DNAJC5B: variants seen among roughly 807,000 people sequenced by gnomAD.
DNAJC5B encodes the protein DnaJ heat shock protein family (Hsp40) member C5 beta.
Under a neutral mutation model 24.7 loss-of-function variants are expected in DNAJC5B, and 23 were observed. The observed-to-expected ratio is 0.93, with a 90% CI of 0.67 to 1.32. DNAJC5B has a LOEUF of 1.32. Ranked by LOEUF, DNAJC5B falls within the 40% of genes most tolerant of loss-of-function variation. The probability of loss-of-function intolerance (pLI) is 0.00; values close to 1 mark genes in which losing one functional copy is unlikely to be tolerated. For synonymous variants in DNAJC5B, 101 were observed against 90.1 expected (o/e 1.12, Z -0.68); for missense variants, 238 against 240.8 (o/e 0.99, Z 0.08).
intron 5 of DNAJC5B, among the ~76,000 whole-genome samples, chr8:66,096,416 T>C (rs1807954754): frequency 6.6e-6 from 1 of 152,212 alleles, no homozygotes; most frequent in South Asian, 2.1e-4. Context: ...TTTCAAATTC[T>C]ACATAAGATT....
At chr8:66,015,703 C>A in the DNAJC5B span, among the ~76,000 whole-genome samples, 1 of 152,210 alleles carries the variant, frequency 6.6e-6, no homozygotes. Flanking sequence ...AGAGAGAATG[C>A]CTTTCCACTG....
chr8:66,100,629 G>A lies in DNAJC5B; in HGVS notation c.*598G>A, dbSNP rs1024210463. ...AACCAGGAAGAAACAGGTTTTGTGT[G>A]TACTTTTAGATTGGCTTAAAAACAA... On this transcript the variant is annotated 3_prime_UTR_variant, in exon 6 of 6. Transcript: ENST00000276570. 4.6e-5 allele frequency: 7 copies of A among 152,096 alleles called. No individual in the cohort carries two copies. The highest frequency in any genetic ancestry group is 7.4e-5 in the Non-Finnish European group (5 of 67,996). The allele number at this position is 152,096 out of a possible 1,614,324, so 9.4% of individuals were successfully genotyped here.
At chr8:66,062,001 T>C (rs1461768882) in intron 3 of DNAJC5B, among the ~76,000 whole-genome samples, 1 of 152,074 alleles carries the variant, frequency 6.6e-6, no homozygotes, top group Non-Finnish European at 1.5e-5. Flanking sequence ...CTTTGCTTCC[T>C]GGCCCACTGC....
intron 5 of DNAJC5B, 67 bp downstream of exon 5, chr8:66,080,615 C>T (rs756394113): frequency 1.6e-5 from 22 of 1,383,062 alleles, no homozygotes; most frequent in East Asian, 2.5e-5. Context: ...CCAGGTCCCA[C>T]GGGGACAGCT....
chr8:66,057,987 C>G (rs1807002523), intron 3 of DNAJC5B: 1 of 152,202 alleles, frequency 6.6e-6, no homozygotes, highest in Admixed American at 6.5e-5. Context: ...AAGGAAAGAA[C>G]AAGGGAGAAA....
chr8:66,029,918 A>C (rs1050609500), intron 1 of DNAJC5B, among the ~76,000 whole-genome samples: 1 of 152,112 alleles, frequency 6.6e-6, no homozygotes, highest in East Asian at 1.9e-4. Flanking sequence ...TGGAGAAGAC[A>C]CTTCCAGTTG....
At chr8:66,024,526 C>G (rs1169084250) in intron 1 of DNAJC5B, among the ~76,000 whole-genome samples, 1 of 124,792 alleles carries the variant, frequency 8.0e-6, no homozygotes, top group African/African-American at 3.6e-5. Flanking sequence ...GCTGCACCCA[C>G]TAACGTGTCA....
intron 1 of DNAJC5B, among the ~76,000 whole-genome samples, chr8:66,043,064 T>A (rs1432705738): frequency 1.3e-5 from 2 of 152,184 alleles, no homozygotes; most frequent in Non-Finnish European, 2.9e-5. Context: ...AAGAGATGCC[T>A]TAACTCTTAA....
chr8:66,034,776 C>T (rs533191815), intron 1 of DNAJC5B, among the ~76,000 whole-genome samples: 4 of 151,972 alleles, frequency 2.6e-5, no homozygotes, highest in Non-Finnish European at 5.9e-5. Context: ...TGTGAGTGGT[C>T]AGGACATCAG....
At chr8:66,065,800 A>G (rs1807179710) in intron 3 of DNAJC5B, among the ~76,000 whole-genome samples, 1 of 152,132 alleles carries the variant, frequency 6.6e-6, no homozygotes, top group Admixed American at 6.5e-5. Flanking sequence ...GTGAAGGGGC[A>G]CCATCTGGGA....
At chr8:66,088,807 G>A (rs536302999) in intron 5 of DNAJC5B, among the ~76,000 whole-genome samples, 1 of 152,000 alleles carries the variant, frequency 6.6e-6, no homozygotes, top group Admixed American at 6.6e-5. Context: ...GACCACCTCA[G>A]CCTGGACTTC....
chr8:66,044,457 T>C (rs772505421), intron 2 of DNAJC5B, among the ~76,000 whole-genome samples: 6 of 151,726 alleles, frequency 4.0e-5, no homozygotes, highest in African/African-American at 1.2e-4. Flanking sequence ...ATAATAGATA[T>C]AGGTGAAGCT....
intron 2 of DNAJC5B, among the ~76,000 whole-genome samples, chr8:66,045,765 C>T (rs1231741211): frequency 6.6e-6 from 1 of 152,084 alleles, no homozygotes; most frequent in Non-Finnish European, 1.5e-5. Flanking sequence ...CAAAGGGCAC[C>T]AGAGGGCTCT....
At chr8:66,074,987 A>G (rs889856621) in intron 3 of DNAJC5B, among the ~76,000 whole-genome samples, 1 of 152,196 alleles carries the variant, frequency 6.6e-6, no homozygotes, top group Non-Finnish European at 1.5e-5. Flanking sequence ...CAGAGATCCA[A>G]GCTGTTTAAA....
intron 3 of DNAJC5B, chr8:66,057,401 A>G (rs1806989256): frequency 6.6e-6 from 1 of 152,244 alleles, no homozygotes; most frequent in South Asian, 2.1e-4. Flanking sequence ...CCGATAAACA[A>G]TAAACTGAAA....
Position 66,076,727 on chromosome 8 carries a change from G to A in DNAJC5B, c.187G>A (p.Glu63Lys). The change falls in exon 4 of 6, where the codon GAA becomes AAA. Residue 63 changes from glutamate (E) to lysine (K), a missense_variant. Transcript: ENST00000276570. ...TCCAGCTGCTACTGAGAAGTTTAAA[G>A]AAATCAACAACGCCCACGCAATACT... ...DDPAATEKFK[E>K]INNAHAILTD... is the part of the protein sequence containing the mutation. The A allele has an allele frequency of 6.2e-7, 1 of 1,614,156 alleles. No homozygotes were observed.
intron 5 of DNAJC5B, among the ~76,000 whole-genome samples, chr8:66,082,646 C>T (rs1183118030): frequency 6.6e-6 from 1 of 152,028 alleles, no homozygotes; most frequent in African/African-American, 2.4e-5. Context: ...GAATTCTTAA[C>T]CAAAAGGAAA....
chr8:66,057,855 C>T (rs1210444892), intron 3 of DNAJC5B: 1 of 152,152 alleles, frequency 6.6e-6, no homozygotes, highest in Non-Finnish European at 1.5e-5. Context: ...TGGGGAAATA[C>T]GTTCTCACAT....
At chr8:66,097,543 T>G (rs1807980870) in intron 5 of DNAJC5B, among the ~76,000 whole-genome samples, 1 of 152,118 alleles carries the variant, frequency 6.6e-6, no homozygotes, top group Non-Finnish European at 1.5e-5. Context: ...TCTGGGTTTT[T>G]TTTTCAATTA....
Sources: allele counts gnomAD v4.1 joint callset (sites outside exome capture counted in the v4.1 genomes callset), GRCh38; gene constraint gnomAD v4.1.1; transcripts MANE v1.5; gene names NCBI Gene and HGNC (gene_info 2026-07-23, HGNC 2026-07-21).